Variants in ADARB2 observed in about 807,000 individuals in gnomAD.
The protein encoded by ADARB2 is inactive double-stranded RNA-specific editase B2.
In ADARB2, 25 loss-of-function variants were observed where a neutral mutation model predicts 62.2. That is an observed-to-expected ratio of 0.40 (90% CI 0.29 to 0.56). The LOEUF is 0.56. Among genes scored for constraint, ADARB2 ranks in the 20% least tolerant of loss-of-function variants. ADARB2 has a pLI of 0.43. For missense variants in ADARB2, 1,071 were observed against 1,077.4 expected (o/e 0.99, Z 0.08); for synonymous variants, 572 against 500.8 (o/e 1.14, Z -1.90).
intron 1 of ADARB2, among the ~76,000 whole-genome samples, chr10:1,514,296 G>A (rs1002128417): frequency 6.6e-6 from 1 of 150,860 alleles, no homozygotes; most frequent in Non-Finnish European, 1.5e-5. Context: ...CGGCTCTGAC[G>A]CTTTGGGACA....
intron 1 of ADARB2, among the ~76,000 whole-genome samples, chr10:1,509,307 CA>C (rs1412258454): frequency 1.3e-5 from 2 of 152,152 alleles, no homozygotes; most frequent in Non-Finnish European, 2.9e-5. Context: ...CTTGATAAAC[CA>C]TTCTTCAGAG....
intron 3 of ADARB2, among the ~76,000 whole-genome samples, chr10:1,331,721 A>G (rs1831929689): frequency 6.6e-6 from 1 of 152,240 alleles, no homozygotes; most frequent in Non-Finnish European, 1.5e-5. Flanking sequence ...GGTGATTTTT[A>G]TGGTATCTGA....
rs368769449 is a variant in ADARB2, at chr10:1,642,880, G to A, written c.100+94171C>T. Among the ~76,000 whole-genome samples the A allele has an allele frequency of 2.0e-4, 30 of 152,326 alleles. No homozygotes were observed. The East Asian group carries it at 5.2e-3, about 26-fold the overall frequency. ...TGCAGGCAGGTATGTTCTGGGTGAAGCGGGAGAGGCAGACGGCCTGCACAC... is the reference window on the plus strand; with the variant it reads ...TGCAGGCAGGTATGTTCTGGGTGAAACGGGAGAGGCAGACGGCCTGCACAC... On this transcript the variant is annotated intron_variant, in intron 1 of 9. Transcript: ENST00000381312.
chr10:1,226,845 C>G (rs988299139), intron 6 of ADARB2, among the ~76,000 whole-genome samples: 2 of 98,066 alleles, frequency 2.0e-5, no homozygotes, highest in East Asian at 4.8e-4. Context: ...CCCAGTTAGG[C>G]TACTCGGGGG....
In ADARB2 at chr10:1,363,383, G is replaced by A. The variant is rs1832280105; in HGVS notation, c.722C>T (p.Pro241Leu). ...APRPGLAGGR[P>L]GDAALLSAAY... Reference sequence around the variant, plus strand: ...CGCGGACAGAAGCGCGGCGTCCCCGGGGCGGCCTCCCGCGAGTCCGGGGCG... The same window carrying A: ...CGCGGACAGAAGCGCGGCGTCCCCGAGGCGGCCTCCCGCGAGTCCGGGGCG... The change falls in exon 3 of 10, where the codon CCC becomes CTC. Residue 241 changes from proline (P) to leucine (L), a missense_variant. Transcript: ENST00000381312. The A allele has an allele frequency of 2.2e-6, 3 of 1,334,074 alleles. No individual in the cohort carries two copies. In the South Asian group the frequency reaches 6.2e-5, roughly 27 times the overall value. 82.6% of individuals were successfully genotyped at this position (1,334,074 alleles called of 1,614,324 possible).
intron 1 of ADARB2, among the ~76,000 whole-genome samples, chr10:1,523,110 T>G (rs1229252495): frequency 1.3e-5 from 2 of 152,212 alleles, no homozygotes; most frequent in Admixed American, 6.5e-5. Flanking sequence ...GATAACACTA[T>G]GTGACAAATC....
At chr10:1,208,726 G>A (rs370568251) in intron 7 of ADARB2, among the ~76,000 whole-genome samples, 1 of 152,340 alleles carries the variant, frequency 6.6e-6, no homozygotes, top group East Asian at 1.9e-4. Flanking sequence ...TAATTATCAA[G>A]TCAGTCGTGT....
chr10:1,300,284 T>C (rs1188144967), intron 3 of ADARB2, among the ~76,000 whole-genome samples: 1 of 152,236 alleles, frequency 6.6e-6, no homozygotes, highest in Non-Finnish European at 1.5e-5. Flanking sequence ...TGGATGCCCA[T>C]TGAAGGCTGC....
chr10:1,248,330 G>C (rs1186732124), intron 4 of ADARB2, among the ~76,000 whole-genome samples: 2 of 151,270 alleles, frequency 1.3e-5, no homozygotes, highest in African/African-American at 2.4e-5. Context: ...TGAGGCAAGG[G>C]CGTGCAACGT....
At chr10:1,628,898 C>T (rs905500223) in intron 1 of ADARB2, among the ~76,000 whole-genome samples, 2 of 152,370 alleles carry the variant, frequency 1.3e-5, no homozygotes, top group African/African-American at 4.8e-5. Flanking sequence ...ACTGGAGGGG[C>T]CTCCCTGGTG....
chr10:1,381,618 A>C (rs1277974645), intron 1 of ADARB2, among the ~76,000 whole-genome samples: 5 of 152,240 alleles, frequency 3.3e-5, no homozygotes, highest in African/African-American at 1.2e-4. Context: ...TGAGTGGATA[A>C]GTGAAATGCG....
chr10:1,416,433 A>C (rs757897021), intron 1 of ADARB2, among the ~76,000 whole-genome samples: 32 of 152,126 alleles, frequency 2.1e-4, no homozygotes, highest in Non-Finnish European at 4.3e-4. Context: ...CCTCTAACCT[A>C]CTCTGGGGTC....
At chr10:1,661,888 G>A (rs1405337342) in intron 1 of ADARB2, among the ~76,000 whole-genome samples, 6 of 152,176 alleles carry the variant, frequency 3.9e-5, no homozygotes, top group Non-Finnish European at 7.3e-5. Context: ...CTACGGAACC[G>A]CACTGCTGCT....
chr10:1,619,018 G>A (rs4880887), intron 1 of ADARB2, among the ~76,000 whole-genome samples: 24,147 of 152,192 alleles, frequency 0.16, 2,018 homozygotes, highest in Non-Finnish European at 0.19. Context: ...ACCTGGCTTG[G>A]AGGAATGAAT....
chr10:1,706,967 C>G (rs571999074), intron 1 of ADARB2, among the ~76,000 whole-genome samples: 2 of 81,766 alleles, frequency 2.4e-5, no homozygotes, highest in Non-Finnish European at 6.0e-5. Context: ...AGGGTTTCCC[C>G]GGGGCCTCCT....
chr10:1,557,544 C>G (rs1238452609), intron 1 of ADARB2, among the ~76,000 whole-genome samples: 1 of 152,180 alleles, frequency 6.6e-6, no homozygotes, highest in Non-Finnish European at 1.5e-5. Flanking sequence ...CCAGGCTCAA[C>G]AAAGCCTCCA....
At chr10:1,485,253 T>TATAC (rs545173132) in intron 1 of ADARB2, among the ~76,000 whole-genome samples, 25 of 152,050 alleles carry the variant, frequency 1.6e-4, no homozygotes, top group Non-Finnish European at 3.2e-4. Context: ...TATGTAGGTA[T>TATAC]GTAGGTGGAT....
chr10:1,253,531 T>C (rs1432389871), intron 4 of ADARB2, among the ~76,000 whole-genome samples: 11 of 152,338 alleles, frequency 7.2e-5, no homozygotes, highest in Non-Finnish European at 5.9e-5. Flanking sequence ...TATCCATCCA[T>C]TCATTCAGTG....
chr10:1,380,375 G>A (rs1294987931), intron 1 of ADARB2, among the ~76,000 whole-genome samples: 1 of 152,230 alleles, frequency 6.6e-6, no homozygotes, highest in Non-Finnish European at 1.5e-5. Flanking sequence ...GTGGATATCC[G>A]CGGACGGGAT....
Sources: allele counts gnomAD v4.1 joint callset (sites outside exome capture counted in the v4.1 genomes callset), GRCh38; gene constraint gnomAD v4.1.1; transcripts MANE v1.5; gene names NCBI Gene and HGNC (gene_info 2026-07-23, HGNC 2026-07-21).